Variants in TMEM132B observed in about 807,000 individuals in gnomAD.
The protein encoded by TMEM132B is transmembrane protein 132B.
A neutral mutation model predicts 90.8 loss-of-function variants in TMEM132B; 18 were observed. The ratio of observed to expected loss-of-function variants is 0.20; its 90% CI spans 0.14 to 0.29. TMEM132B has a LOEUF of 0.29. Ranked by LOEUF, TMEM132B falls within the 10% of genes least tolerant of loss-of-function variation. The pLI is 1.00. For synonymous variants in TMEM132B, 504 were observed against 523.3 expected, an observed-to-expected ratio of 0.96 and a Z score of 0.50; for missense variants, 1,096 against 1,326.8, an observed-to-expected ratio of 0.83 and a Z score of 2.70.
At position 125,570,283 on chromosome 12, in the gene TMEM132B, G is replaced by A. The variant is rs116812151; in HGVS notation, c.1294-13568G>A. Among the ~76,000 whole-genome samples the A allele has an allele frequency of 9.8e-3, 1,498 of 152,280 alleles. 24 individuals carry two copies. The highest frequency in any genetic ancestry group is 0.034 in the African/African-American group (1,427 of 41,564). On this transcript the variant is annotated intron_variant, in intron 4 of 8. Coordinates refer to ENST00000682704, the MANE Select transcript of TMEM132B (RefSeq NM_001366854.1). ...CTGTTGTTTCAGCAGTGGAGGAACT[G>A]TTGTTCCTCCTTCCCTGTGAGGTAA...
chr12:125,483,224 C>T (rs1472154454), intron 3 of TMEM132B, among the ~76,000 whole-genome samples: 1 of 151,758 alleles, frequency 6.6e-6, no homozygotes, highest in African/African-American at 2.4e-5. Flanking sequence ...TGCACATGTA[C>T]CCTAGAACTT....
At chr12:125,525,403 C>T (rs903439806) in intron 4 of TMEM132B, among the ~76,000 whole-genome samples, 6 of 152,194 alleles carry the variant, frequency 3.9e-5, no homozygotes, top group Non-Finnish European at 8.8e-5. Context: ...TGGATGGCTT[C>T]CTTATAAAAG....
intron 1 of TMEM132B, among the ~76,000 whole-genome samples, chr12:125,248,647 G>A (rs1027737866): frequency 1.3e-5 from 2 of 152,224 alleles, no homozygotes; most frequent in African/African-American, 4.8e-5. Flanking sequence ...AAAGGCAGAA[G>A]TGTAGTTGAT....
chr12:125,256,120 G>A (rs995322875), intron 1 of TMEM132B, among the ~76,000 whole-genome samples: 3 of 152,174 alleles, frequency 2.0e-5, no homozygotes, highest in African/African-American at 7.2e-5. Flanking sequence ...AGATCTTGCT[G>A]CAGCTGAAAA....
intron 1 of TMEM132B, among the ~76,000 whole-genome samples, chr12:125,192,628 G>A (rs1023241706): frequency 2.0e-5 from 3 of 152,168 alleles, no homozygotes; most frequent in Non-Finnish European, 4.4e-5. Context: ...TAGGTGTTGA[G>A]CCACCATGCC....
intron 4 of TMEM132B, among the ~76,000 whole-genome samples, chr12:125,576,290 A>C (rs1219798610): frequency 6.6e-6 from 1 of 152,048 alleles, no homozygotes; most frequent in African/African-American, 2.4e-5. Flanking sequence ...TTCATTACAG[A>C]TAAAATTGAG....
intron 5 of TMEM132B, among the ~76,000 whole-genome samples, chr12:125,636,184 CT>C (rs1216787536): frequency 3.3e-5 from 5 of 151,860 alleles, no homozygotes; most frequent in Non-Finnish European, 1.5e-5. Context: ...AATTGGTGTC[CT>C]TGTGGTGGGG....
In TMEM132B at chr12:125,643,442, C is replaced by T. The variant is rs553445873; in HGVS notation, c.1438-634C>T. Among the ~76,000 whole-genome samples, 5 of 152,298 alleles carry T rather than the reference C, an allele frequency of 3.3e-5. No homozygotes were observed. In the South Asian group the frequency reaches 1.0e-3, roughly 32 times the overall value. On this transcript the variant is annotated intron_variant, in intron 5 of 8. Coordinates refer to ENST00000682704, the MANE Select transcript of TMEM132B (RefSeq NM_001366854.1). ...AAATGGGGACTTAAATGGTCTAATG[C>T]TCAACCTACTGAAGCATGCACATTA...
intron 4 of TMEM132B, among the ~76,000 whole-genome samples, chr12:125,530,410 T>A (rs946007257): frequency 2.0e-5 from 3 of 152,156 alleles, no homozygotes; most frequent in Non-Finnish European, 4.4e-5. Context: ...TTTTACATCA[T>A]GTGCCAAATG....
chr12:125,200,621 A>C (rs1045640044), intron 1 of TMEM132B, among the ~76,000 whole-genome samples: 1 of 152,234 alleles, frequency 6.6e-6, no homozygotes, highest in Non-Finnish European at 1.5e-5. Flanking sequence ...AATACTGGGT[A>C]GGGATCAGCA....
intron 4 of TMEM132B, among the ~76,000 whole-genome samples, chr12:125,542,931 T>G (rs1200854891): frequency 6.6e-6 from 1 of 152,228 alleles, no homozygotes; most frequent in Non-Finnish European, 1.5e-5. Flanking sequence ...TGTTGGACTG[T>G]GTGATGGCCT....
chr12:125,549,099 A>G (rs115535339), intron 4 of TMEM132B, among the ~76,000 whole-genome samples: 1,548 of 152,320 alleles, frequency 0.01, 28 homozygotes, highest in African/African-American at 0.035. Flanking sequence ...TCTAAGAATA[A>G]ATGATTTGAT....
intron 4 of TMEM132B, among the ~76,000 whole-genome samples, chr12:125,520,121 ACTGT>A (rs893573973): frequency 1.3e-5 from 2 of 152,038 alleles, no homozygotes; most frequent in Non-Finnish European, 2.9e-5. Flanking sequence ...AGTCCACAAA[ACTGT>A]CTGTGTTTCT....
intron 4 of TMEM132B, among the ~76,000 whole-genome samples, chr12:125,536,929 A>G (rs1454943680): frequency 6.6e-6 from 1 of 151,482 alleles, no homozygotes; most frequent in African/African-American, 2.4e-5. Flanking sequence ...GAGATATGAT[A>G]TTATCAATAC....
At chr12:125,539,811 T>A (rs1486165407) in intron 4 of TMEM132B, among the ~76,000 whole-genome samples, 1 of 152,204 alleles carries the variant, frequency 6.6e-6, no homozygotes, top group Admixed American at 6.5e-5. Flanking sequence ...AACTTTTGAT[T>A]TCATAGATTT....
intron 1 of TMEM132B, among the ~76,000 whole-genome samples, chr12:125,270,131 T>A (rs2136118500): frequency 6.6e-6 from 1 of 151,602 alleles, no homozygotes; most frequent in South Asian, 2.1e-4. Context: ...TGTGTGTGTG[T>A]GTGTGTGTGT....
At chr12:125,569,467 G>A (rs891713406) in intron 4 of TMEM132B, among the ~76,000 whole-genome samples, 5 of 152,080 alleles carry the variant, frequency 3.3e-5, no homozygotes, top group African/African-American at 4.8e-5. Context: ...GTGTCCATCC[G>A]CAGCTGGTAA....
At chr12:125,310,850 C>T (rs921113768) in intron 1 of TMEM132B, among the ~76,000 whole-genome samples, 4 of 152,208 alleles carry the variant, frequency 2.6e-5, no homozygotes, top group Non-Finnish European at 5.9e-5. Context: ...ATGTGAGAAA[C>T]AGTTTTAGGA....
chr12:125,516,251 A>G (rs2136649955), intron 3 of TMEM132B, among the ~76,000 whole-genome samples: 1 of 152,298 alleles, frequency 6.6e-6, no homozygotes, highest in East Asian at 1.9e-4. Context: ...CATGGCTGAA[A>G]CACCGATCCT....
Sources: allele counts gnomAD v4.1 joint callset (sites outside exome capture counted in the v4.1 genomes callset), GRCh38; gene constraint gnomAD v4.1.1; transcripts MANE v1.5; gene names NCBI Gene and HGNC (gene_info 2026-07-23, HGNC 2026-07-21).